Variants in PSD3 observed in about 807,000 individuals in gnomAD.
The protein encoded by PSD3 is PH and SEC7 domain-containing protein 3.
Under a neutral mutation model 105.5 loss-of-function variants are expected in PSD3, and 49 were observed. That is an observed-to-expected ratio of 0.46 (90% CI 0.37 to 0.59). The LOEUF (loss-of-function observed/expected upper bound fraction) is 0.59. PSD3 is among the 20% of genes least tolerant of loss of function. The pLI, the probability that PSD3 is intolerant of heterozygous loss-of-function variation, is 0.00. For missense variants in PSD3, 1,561 were observed against 1,263.8 expected (o/e 1.24, Z -3.57); for synonymous variants, 557 against 457.8 (o/e 1.22, Z -2.77).
At chr8:18,590,017 T>G (rs10094561) in intron 12 of PSD3, among the ~76,000 whole-genome samples, 3 of 151,778 alleles carry the variant, frequency 2.0e-5, no homozygotes, top group African/African-American at 7.3e-5. Context: ...AAATAAACTT[T>G]TGTAAAAAAA....
chr8:18,832,012 C>A (rs1393197186), intron 4 of PSD3, among the ~76,000 whole-genome samples: 1 of 152,292 alleles, frequency 6.6e-6, no homozygotes, highest in Admixed American at 6.5e-5. Flanking sequence ...CTGGAACCAT[C>A]CAGGCTCACA....
At position 18,571,881 on chromosome 8, in the gene PSD3, A is replaced by G. The variant is rs540028180; in HGVS notation, c.2784+647T>C. Among the ~76,000 whole-genome samples, 256 of 136,086 alleles carry G rather than the reference A, an allele frequency of 1.9e-3. 2 individuals carry two copies. In the South Asian group the frequency reaches 0.021, roughly 11 times the overall value. The allele number at this position is 136,086 out of a possible 152,430, so 89.3% of individuals were successfully genotyped here. On this transcript the variant is annotated intron_variant, in intron 14 of 15. Transcript: ENST00000327040. ...AGGGGGTACTACAGACAGGTTTAAA[A>G]TGAGCAAACCTAGCTGGTAGGTAGT...
At chr8:19,062,836 T>C (rs150057710) in intron 1 of PSD3, among the ~76,000 whole-genome samples, 44 of 152,310 alleles carry the variant, frequency 2.9e-4, no homozygotes, top group African/African-American at 9.9e-4. Context: ...CACTCACGTA[T>C]GAAATATCAA....
At chr8:18,802,776 G>T (rs149854942) in intron 6 of PSD3, among the ~76,000 whole-genome samples, 1 of 152,210 alleles carries the variant, frequency 6.6e-6, no homozygotes, top group African/African-American at 2.4e-5. Flanking sequence ...AAATAGTGTT[G>T]AAAATTAAAT....
At chr8:18,628,308 G>C (rs1806642333) in intron 11 of PSD3, among the ~76,000 whole-genome samples, 1 of 151,904 alleles carries the variant, frequency 6.6e-6, no homozygotes, top group African/African-American at 2.4e-5. Context: ...GAAAACCAGA[G>C]ATAGAAAAAT....
rs540515960 is a variant in PSD3, at chr8:18,714,631, C to G, written c.2172+50818G>C. Among the ~76,000 whole-genome samples the G allele has an allele frequency of 6.0e-4, 92 of 152,248 alleles. 2 individuals carry two copies. The South Asian group carries it at 0.018, about 30-fold the overall frequency. Reference sequence around the variant, plus strand: ...TGATTATTGCAAAGTCAAGAAACAACAGATGCTGGTGAGGCTTTGGAAAAA... The same window carrying G: ...TGATTATTGCAAAGTCAAGAAACAAGAGATGCTGGTGAGGCTTTGGAAAAA... On this transcript the variant is annotated intron_variant, in intron 9 of 15. Coordinates refer to ENST00000327040, the MANE Select transcript of PSD3 (RefSeq NM_015310.4).
chr8:18,956,952 G>C (rs1411930584), intron 1 of PSD3, among the ~76,000 whole-genome samples: 1 of 152,062 alleles, frequency 6.6e-6, no homozygotes, highest in Non-Finnish European at 1.5e-5. Flanking sequence ...AAATAACATA[G>C]GGATAACCAA....
intron 2 of PSD3, among the ~76,000 whole-genome samples, chr8:18,875,420 A>G (rs375096670): frequency 1.3e-5 from 2 of 152,106 alleles, no homozygotes; most frequent in East Asian, 1.9e-4. Flanking sequence ...TGGAATATTG[A>G]TATTTTATGT....
At chr8:18,742,484 A>G (rs534949610) in intron 9 of PSD3, among the ~76,000 whole-genome samples, 31 of 152,346 alleles carry the variant, frequency 2.0e-4, no homozygotes, top group Admixed American at 1.8e-3. Context: ...TGTTATATCC[A>G]AAATATAAAT....
intron 2 of PSD3, among the ~76,000 whole-genome samples, chr8:18,904,664 T>C (rs1819726289): frequency 1.3e-5 from 2 of 152,254 alleles, no homozygotes; most frequent in Admixed American, 6.5e-5. Context: ...TCTTCTGTAA[T>C]TATGTTACAG....
chr8:18,702,451 T>C (rs561140618), intron 9 of PSD3, among the ~76,000 whole-genome samples: 1 of 152,348 alleles, frequency 6.6e-6, no homozygotes, highest in East Asian at 1.9e-4. Context: ...TGAATCATAG[T>C]TGTACGTACT....
intron 1 of PSD3, among the ~76,000 whole-genome samples, chr8:19,073,923 T>C (rs1323753454): frequency 6.6e-6 from 1 of 151,960 alleles, no homozygotes; most frequent in Non-Finnish European, 1.5e-5. Flanking sequence ...CCCGAGTAGC[T>C]GGGACTACAG....
At position 18,871,848 on chromosome 8, in the gene PSD3, T is replaced by G. The variant is rs755816042; in HGVS notation, c.1016A>C (p.Lys339Thr). ...TGATGAGATGAGATGGCGTGGCACT[T>G]TGGAAGACTCTTTGCTGTCAGGAGA... ...TASPDSKESSKVPRHLISSAG... is the reference protein window; with the variant it reads ...TASPDSKESSTVPRHLISSAG... Residue 339 changes from lysine (K) to threonine (T), a missense_variant, in exon 3 of 16, where the codon AAA (lysine) becomes ACA (threonine). Transcript: ENST00000327040. 8.1e-6 allele frequency: 13 copies of G among 1,614,090 alleles called. No homozygotes were observed. The South Asian group carries it at 1.4e-4, about 18-fold the overall frequency.
intron 9 of PSD3, among the ~76,000 whole-genome samples, chr8:18,729,504 A>G (rs1403820217): frequency 6.6e-6 from 1 of 152,206 alleles, no homozygotes; most frequent in African/African-American, 2.4e-5. Flanking sequence ...ACATGCCACC[A>G]CATTAAATAA....
At chr8:18,640,276 A>G (rs1486506448) in intron 10 of PSD3, among the ~76,000 whole-genome samples, 5 of 152,068 alleles carry the variant, frequency 3.3e-5, no homozygotes, top group Admixed American at 2.0e-4. Flanking sequence ...CCTCTCCCCT[A>G]AGATATGGAG....
intron 1 of PSD3, among the ~76,000 whole-genome samples, chr8:19,072,488 AG>A (rs1829304091): frequency 6.6e-6 from 1 of 152,246 alleles, no homozygotes; most frequent in African/African-American, 2.4e-5. Flanking sequence ...TTAAGACATT[AG>A]GTATACAGAA....
intron 14 of PSD3, among the ~76,000 whole-genome samples, chr8:18,566,577 T>C (rs930882425): frequency 2.0e-5 from 3 of 151,744 alleles, no homozygotes; most frequent in Admixed American, 2.0e-4. Flanking sequence ...AACCATCTCA[T>C]TTTTCTAGAT....
rs1209732760 is a variant in PSD3, at chr8:18,999,696, T to TA, written c.21+13866dup. ...AAAATAAAACTTTACAAAATATTTA[T>TA]AAAATACAAATATTCATGAAGGAAA... is the stretch of plus-strand genomic sequence containing the variant. On this transcript the variant is annotated intron_variant, in intron 1 of 15. Coordinates refer to ENST00000327040, the MANE Select transcript of PSD3 (RefSeq NM_015310.4). Among the ~76,000 whole-genome samples, 3 of 151,854 alleles carry TA rather than the reference T, an allele frequency of 2.0e-5. No homozygotes were observed. In the East Asian group the frequency reaches 5.8e-4, roughly 29 times the overall value.
At chr8:18,645,373 T>G (rs1303903189) in intron 10 of PSD3, among the ~76,000 whole-genome samples, 1 of 152,220 alleles carries the variant, frequency 6.6e-6, no homozygotes, top group Non-Finnish European at 1.5e-5. Context: ...TAATAATCAA[T>G]AGCTAACAAA....
Sources: gnomAD v4.1 joint callset for allele counts (sites outside exome capture counted in the v4.1 genomes callset) on GRCh38, gnomAD v4.1.1 for gene constraint, MANE v1.5 for transcripts, NCBI Gene and HGNC (gene_info 2026-07-23, HGNC 2026-07-21) for gene names.